Variants in PXDNL observed in about 807,000 individuals in gnomAD.
The protein encoded by PXDNL is probable oxidoreductase PXDNL.
In PXDNL, 145 loss-of-function variants were observed where a neutral mutation model predicts 150.8. That is an observed-to-expected ratio of 0.96 (90% CI 0.84 to 1.10). The LOEUF (loss-of-function observed/expected upper bound fraction) is 1.10. PXDNL is among the 50% of genes least tolerant of loss of function. The pLI is 0.00. For synonymous variants in PXDNL, 757 were observed against 725.7 expected (o/e 1.04, Z -0.69); for missense variants, 2,087 against 1,873.9 (o/e 1.11, Z -2.10).
At chr8:51,775,790 G>C (rs1056905621) in intron 1 of PXDNL, among the ~76,000 whole-genome samples, 3 of 152,176 alleles carry the variant, frequency 2.0e-5, no homozygotes, top group Non-Finnish European at 4.4e-5. Flanking sequence ...CAATTTGAAA[G>C]CTGGGCACCT....
intron 2 of PXDNL, among the ~76,000 whole-genome samples, chr8:51,626,392 A>G (rs1273554332): frequency 6.6e-6 from 1 of 152,208 alleles, no homozygotes. Flanking sequence ...CTCATTTGGT[A>G]ATGAGGGTGC....
intron 1 of PXDNL, among the ~76,000 whole-genome samples, chr8:51,791,128 G>C (rs2037509658): frequency 6.6e-6 from 1 of 152,172 alleles, no homozygotes; most frequent in African/African-American, 2.4e-5. Flanking sequence ...AAACTGTGAA[G>C]GGAAAATTCA....
chr8:51,755,359 A>G (rs1228286042), intron 1 of PXDNL, among the ~76,000 whole-genome samples: 1 of 151,190 alleles, frequency 6.6e-6, no homozygotes, highest in African/African-American at 2.4e-5. Context: ...CAGGGGCACT[A>G]TGTTGGCTCA....
At chr8:51,395,060 A>C (rs538306689) in intron 17 of PXDNL, among the ~76,000 whole-genome samples, 7 of 152,340 alleles carry the variant, frequency 4.6e-5, no homozygotes, top group African/African-American at 1.7e-4. Context: ...GTATTTGCTG[A>C]GTAACTACCC....
At chr8:51,522,632 T>C (rs1811686146) in intron 4 of PXDNL, among the ~76,000 whole-genome samples, 1 of 152,100 alleles carries the variant, frequency 6.6e-6, no homozygotes, top group Non-Finnish European at 1.5e-5. Context: ...TCACCTGAGG[T>C]CAGGAGGTCA....
At chr8:51,805,462 A>ATT (rs2037666364) in intron 1 of PXDNL, among the ~76,000 whole-genome samples, 1 of 148,378 alleles carries the variant, frequency 6.7e-6, no homozygotes, top group Non-Finnish European at 1.5e-5. Context: ...TGATATATAT[A>ATT]TTATATATAT....
chr8:51,556,786 G>A (rs1371001526), intron 4 of PXDNL, 54 bp downstream of exon 4: 5 of 944,346 alleles, frequency 5.3e-6, no homozygotes, highest in East Asian at 2.4e-5. Flanking sequence ...TTAAAAAGCT[G>A]TCTATTTGAA....
chr8:51,357,380 G>A (rs1262627217), intron 19 of PXDNL, among the ~76,000 whole-genome samples: 2 of 152,182 alleles, frequency 1.3e-5, no homozygotes, highest in Non-Finnish European at 2.9e-5. Context: ...GGCAGTTCCT[G>A]TGCAAATCAC....
intron 1 of PXDNL, among the ~76,000 whole-genome samples, chr8:51,730,249 G>T (rs1381749794): frequency 1.3e-5 from 2 of 152,026 alleles, no homozygotes; most frequent in East Asian, 3.8e-4. Context: ...ACTCAATTTT[G>T]CCATGAACCT....
intron 8 of PXDNL, among the ~76,000 whole-genome samples, chr8:51,465,601 A>G (rs1427950256): frequency 6.6e-6 from 1 of 152,050 alleles, no homozygotes; most frequent in East Asian, 1.9e-4. Context: ...AATAGAAGAA[A>G]AGTCAAACTA....
At chr8:51,325,824 G>C (rs914851447) in intron 21 of PXDNL, among the ~76,000 whole-genome samples, 4 of 152,216 alleles carry the variant, frequency 2.6e-5, no homozygotes, top group Non-Finnish European at 5.9e-5. Context: ...ACCCTGGGGA[G>C]AGTGAAAGCC....
At chr8:51,403,044 C>T (rs1157704429) in intron 17 of PXDNL, among the ~76,000 whole-genome samples, 1 of 146,552 alleles carries the variant, frequency 6.8e-6, no homozygotes, top group Non-Finnish European at 1.5e-5. Flanking sequence ...AAGCTGAGAT[C>T]GCCACTGCAC....
chr8:51,387,381 A>C (rs1807750415), intron 17 of PXDNL, among the ~76,000 whole-genome samples: 1 of 152,166 alleles, frequency 6.6e-6, no homozygotes, highest in African/African-American at 2.4e-5. Flanking sequence ...AGGAGGTCTC[A>C]TTTTGTATGC....
chr8:51,798,550 A>T (rs1207440371), intron 1 of PXDNL, among the ~76,000 whole-genome samples: 1 of 152,254 alleles, frequency 6.6e-6, no homozygotes, highest in African/African-American at 2.4e-5. Context: ...TTCTCAAAAG[A>T]AGACATTTAT....
At chr8:51,578,883 G>A (rs1268425465) in intron 3 of PXDNL, among the ~76,000 whole-genome samples, 1 of 152,010 alleles carries the variant, frequency 6.6e-6, no homozygotes, top group Non-Finnish European at 1.5e-5. Flanking sequence ...AACAACAGGT[G>A]CTGATGCAAC....
chr8:51,496,262 T>C (rs1454819193), intron 5 of PXDNL, among the ~76,000 whole-genome samples: 1 of 152,218 alleles, frequency 6.6e-6, no homozygotes, highest in East Asian at 1.9e-4. Context: ...ATAAATTAGG[T>C]ATTGATGAGA....
At chr8:51,579,333 A>C (rs920306295) in intron 3 of PXDNL, among the ~76,000 whole-genome samples, 4 of 152,082 alleles carry the variant, frequency 2.6e-5, no homozygotes, top group African/African-American at 9.7e-5. Flanking sequence ...CAGATGGTAA[A>C]TGTTCATGAC....
intron 2 of PXDNL, among the ~76,000 whole-genome samples, chr8:51,611,897 G>A (rs1814011784): frequency 1.3e-5 from 2 of 152,214 alleles, no homozygotes; most frequent in South Asian, 2.1e-4. Flanking sequence ...CCGGGATGCC[G>A]AAGGGAAGGC....
At chr8:51,546,639 A>C (rs1261785264) in intron 4 of PXDNL, among the ~76,000 whole-genome samples, 3 of 152,196 alleles carry the variant, frequency 2.0e-5, no homozygotes, top group Non-Finnish European at 4.4e-5. Flanking sequence ...TGGAGGGTGA[A>C]CATGAAGTGC....
Sources: gnomAD v4.1 joint callset for allele counts (sites outside exome capture counted in the v4.1 genomes callset) on GRCh38, gnomAD v4.1.1 for gene constraint, MANE v1.5 for transcripts, NCBI Gene and HGNC (gene_info 2026-07-23, HGNC 2026-07-21) for gene names.